Variants in SIPA1L3 observed in about 807,000 individuals in gnomAD.
SIPA1L3 encodes the protein signal induced proliferation associated 1 like 3.
SIPA1L3 carries 59 observed loss-of-function variants against 150.1 expected under a neutral mutation model. The ratio of observed to expected loss-of-function variants is 0.39; its 90% confidence interval spans 0.32 to 0.49. SIPA1L3 has a LOEUF of 0.49. SIPA1L3 is among the 20% of genes least tolerant of loss of function. The pLI, the probability that SIPA1L3 is intolerant of heterozygous loss-of-function variation, is 0.86. For synonymous variants in SIPA1L3, 1,070 were observed against 1,077.6 expected, an observed-to-expected ratio of 0.99 and a Z score of 0.14; for missense variants, 2,211 against 2,489.5, an observed-to-expected ratio of 0.89 and a Z score of 2.38.
Position 38,029,243 on chromosome 19 carries a change from A to G in SIPA1L3, c.-311+87A>G, listed in dbSNP as rs575395047. On this transcript the variant is annotated intron_variant, in intron 2 of 21. Transcript: ENST00000222345. ...TTTAAAATTTTAAAAAAAGAGTATC[A>G]AGGGAAAAATGAAAGTTTGCATCGC... is the stretch of plus-strand genomic sequence containing the variant. 3.3e-5 allele frequency: 5 copies of G among 152,310 alleles called. No individual in the cohort carries two copies. The South Asian group carries it at 6.2e-4, about 19-fold the overall frequency. The allele number at this position is 152,310 out of a possible 1,614,324, so 9.4% of individuals were successfully genotyped here.
At chr19:38,121,302 G>A (rs754670089) in intron 9 of SIPA1L3, among the ~76,000 whole-genome samples, 1 of 152,134 alleles carries the variant, frequency 6.6e-6, no homozygotes, top group East Asian at 1.9e-4. Flanking sequence ...GCCAGGCATG[G>A]TGGTGGGCGC....
chr19:37,994,929 A>C (rs913947512), intron 1 of SIPA1L3, among the ~76,000 whole-genome samples: 1 of 152,074 alleles, frequency 6.6e-6, no homozygotes, highest in Admixed American at 6.5e-5. Flanking sequence ...AACTCCAGGC[A>C]CTTATGTTTC....
intron 1 of SIPA1L3, among the ~76,000 whole-genome samples, chr19:37,985,314 A>G (rs1305407503): frequency 6.6e-6 from 1 of 151,396 alleles, no homozygotes; most frequent in South Asian, 2.1e-4. Context: ...CTCCCACCTC[A>G]GCCTCCTGAT....
intron 1 of SIPA1L3, among the ~76,000 whole-genome samples, chr19:38,009,925 G>A (rs1968057179): frequency 6.6e-6 from 1 of 152,178 alleles, no homozygotes; most frequent in Non-Finnish European, 1.5e-5. Context: ...GGTGGGTGGA[G>A]AGCCTGCTGC....
intron 13 of SIPA1L3, among the ~76,000 whole-genome samples, chr19:38,158,459 G>A (rs1971999765): frequency 1.3e-5 from 2 of 152,210 alleles, no homozygotes; most frequent in Non-Finnish European, 2.9e-5. Context: ...GGCAGAGTAT[G>A]TGGAGCCTCT....
chr19:38,154,684 G>C (rs1330470642), intron 13 of SIPA1L3, among the ~76,000 whole-genome samples: 1 of 151,774 alleles, frequency 6.6e-6, no homozygotes, highest in Non-Finnish European at 1.5e-5. Context: ...CTGACCTTGT[G>C]ATCCACCCGC....
In SIPA1L3 at chr19:38,127,641, C is replaced by T. The variant is rs2145912814; in HGVS notation, c.2869-2857C>T. The stretch of plus-strand genomic sequence containing the variant: ...AAGTAGCTGGGACTGCAAGCGTATG[C>T]CACCATGCTCAGCTAATTTTTTTTT... On this transcript the variant is annotated intron_variant, in intron 9 of 21. Coordinates refer to ENST00000222345, the MANE Select transcript of SIPA1L3 (RefSeq NM_015073.3). 2.6e-5 allele frequency among the ~76,000 whole-genome samples: 4 copies of T among 152,202 alleles called. No homozygotes were observed. In the Middle Eastern group the frequency reaches 0.014, roughly 518 times the overall value.
intron 2 of SIPA1L3, among the ~76,000 whole-genome samples, chr19:38,048,423 A>G (rs1259162285): frequency 6.6e-6 from 1 of 152,122 alleles, no homozygotes; most frequent in African/African-American, 2.4e-5. Context: ...CACAGGCATC[A>G]GGAGAGAGAG....
intron 1 of SIPA1L3, among the ~76,000 whole-genome samples, chr19:37,955,550 A>G (rs2046803071): frequency 6.6e-6 from 1 of 152,148 alleles, no homozygotes; most frequent in Non-Finnish European, 1.5e-5. Context: ...GCCTAGGCCC[A>G]GGCTACCACT....
intron 8 of SIPA1L3, among the ~76,000 whole-genome samples, chr19:38,111,634 C>G (rs1426231497): frequency 6.6e-6 from 1 of 152,172 alleles, no homozygotes; most frequent in Non-Finnish European, 1.5e-5. Context: ...GAGGGGCATC[C>G]CAGCCTGCAG....
chr19:38,201,716 G>T (rs1166916134), intron 19 of SIPA1L3, 146 bp from the exon 20 acceptor site: 3 of 838,160 alleles, frequency 3.6e-6, no homozygotes, highest in African/African-American at 1.7e-5. Flanking sequence ...TGGTTTTTTG[G>T]CAAGAATCTA....
chr19:38,151,413 G>A (rs1226040122), intron 12 of SIPA1L3, among the ~76,000 whole-genome samples: 1 of 152,226 alleles, frequency 6.6e-6, no homozygotes, highest in Non-Finnish European at 1.5e-5. Context: ...ATGAGCGCTG[G>A]TCACATGACT....
chr19:38,161,945 G>A (rs1218111313), intron 13 of SIPA1L3, among the ~76,000 whole-genome samples: 3 of 152,186 alleles, frequency 2.0e-5, no homozygotes, highest in African/African-American at 7.2e-5. Flanking sequence ...GGGAGGCTGA[G>A]GCGGGAGGAT....
chr19:38,094,519 G>A (rs879691199), intron 4 of SIPA1L3, among the ~76,000 whole-genome samples: 18 of 152,228 alleles, frequency 1.2e-4, no homozygotes, highest in Middle Eastern at 3.4e-3. Flanking sequence ...CCAAAATGCC[G>A]AGATTACAGG....
At chr19:38,121,623 C>T (rs1255661685) in intron 9 of SIPA1L3, among the ~76,000 whole-genome samples, 1 of 151,762 alleles carries the variant, frequency 6.6e-6, no homozygotes, top group African/African-American at 2.4e-5. Flanking sequence ...CCTGTAGTCC[C>T]AGCTACTCGG....
chr19:37,961,115 C>A (rs747551034), intron 1 of SIPA1L3, among the ~76,000 whole-genome samples: 1 of 151,570 alleles, frequency 6.6e-6, no homozygotes, highest in Non-Finnish European at 1.5e-5. Context: ...GTGATCCACC[C>A]GCCTTGGCTT....
At chr19:37,951,503 C>G (rs375823543) in intron 1 of SIPA1L3, among the ~76,000 whole-genome samples, 1 of 152,104 alleles carries the variant, frequency 6.6e-6, no homozygotes, top group Non-Finnish European at 1.5e-5. Context: ...TTTCATCTTC[C>G]TCTTTACAGA....
At chr19:37,997,224 A>G (rs1171184212) in intron 1 of SIPA1L3, among the ~76,000 whole-genome samples, 1 of 152,076 alleles carries the variant, frequency 6.6e-6, no homozygotes, top group Admixed American at 6.6e-5. Context: ...TGCCTCATAC[A>G]TAGGGTTTGG....
At position 38,005,206 on chromosome 19, in the gene SIPA1L3, G is replaced by T. The variant is rs532134929; in HGVS notation, c.-378-23883G>T. On this transcript the variant is annotated intron_variant, in intron 1 of 21. Coordinates refer to ENST00000222345, the MANE Select transcript of SIPA1L3 (RefSeq NM_015073.3). The stretch of plus-strand genomic sequence containing the variant: ...GGACCTCTAAGCTGGAATCATTTAA[G>T]CAGGATGCCAAAGGACAGCAATTGG... Among the ~76,000 whole-genome samples, 248 of 151,668 alleles carry T rather than the reference G, an allele frequency of 1.6e-3. 1 individual carries two copies. The highest frequency in any genetic ancestry group is 5.8e-3 in the African/African-American group (239 of 41,352).
Sources: allele counts gnomAD v4.1 joint callset (sites outside exome capture counted in the v4.1 genomes callset), GRCh38; gene constraint gnomAD v4.1.1; transcripts MANE v1.5; gene names NCBI Gene and HGNC (gene_info 2026-07-23, HGNC 2026-07-21).